The following MRPL13 variants were observed in gnomAD, a reference collection of about 807,000 sequenced individuals.
MRPL13 encodes mitochondrial ribosomal protein L13, also known as large ribosomal subunit protein uL13m.
MRPL13 carries 33 observed loss-of-function variants against 29.0 expected under a neutral mutation model. The ratio of observed to expected loss-of-function variants is 1.14; its 90% CI spans 0.86 to 1.52. MRPL13 has a LOEUF of 1.52. Among genes scored for constraint, MRPL13 ranks in the 40% most tolerant of loss-of-function variants. The pLI is 0.00. For missense variants in MRPL13, 227 were observed against 216.7 expected, an observed-to-expected ratio of 1.05 and a Z score of -0.30; for synonymous variants, 77 against 68.4, an observed-to-expected ratio of 1.13 and a Z score of -0.62.
intron 6 of MRPL13, among the ~76,000 whole-genome samples, chr8:120,413,271 G>A (rs1245461776): frequency 1.3e-5 from 2 of 152,166 alleles, no homozygotes; most frequent in Non-Finnish European, 2.9e-5. Flanking sequence ...TGCTAAATAA[G>A]ACAAACATGT....
intron 2 of MRPL13, among the ~76,000 whole-genome samples, chr8:120,434,259 C>T (rs765556279): frequency 6.6e-6 from 1 of 151,986 alleles, no homozygotes; most frequent in African/African-American, 2.4e-5. Context: ...CTCAAAATTG[C>T]CTGGGAGGAA....
At chr8:120,443,337 A>T in intron 1 of MRPL13, 29 bp from the exon 2 acceptor site, 1 of 1,503,896 alleles carries the variant, frequency 6.6e-7, no homozygotes, top group Middle Eastern at 1.8e-4. Context: ...AAAAAAGAAG[A>T]GGAAAAAATA....
At chr8:120,408,203 C>A (rs1228687527) in intron 6 of MRPL13, among the ~76,000 whole-genome samples, 1 of 152,062 alleles carries the variant, frequency 6.6e-6, no homozygotes, top group South Asian at 2.1e-4. Context: ...AGATCCAGAC[C>A]TACAGATCAA....
intron 2 of MRPL13, 93 bp downstream of exon 2, chr8:120,443,091 AG>A (rs1186702172): frequency 1.4e-5 from 16 of 1,180,394 alleles, no homozygotes; most frequent in Non-Finnish European, 1.7e-5. Flanking sequence ...AAAAATAAAA[AG>A]GGCCCTTAAA....
chr8:120,396,814 G>C (rs1261374524), intron 6 of MRPL13, among the ~76,000 whole-genome samples: 1 of 152,174 alleles, frequency 6.6e-6, no homozygotes, highest in Non-Finnish European at 1.5e-5. Context: ...TAGGTGTTGG[G>C]TTTCCATATG....
At chr8:120,441,588 G>A (rs1478880711) in intron 2 of MRPL13, among the ~76,000 whole-genome samples, 1 of 152,066 alleles carries the variant, frequency 6.6e-6, no homozygotes, top group Admixed American at 6.6e-5. Context: ...AGGTTAATGA[G>A]AAGAAAATAA....
intron 6 of MRPL13, among the ~76,000 whole-genome samples, chr8:120,400,242 CT>C (rs1216135212): frequency 6.6e-6 from 1 of 152,138 alleles, no homozygotes; most frequent in Non-Finnish European, 1.5e-5. Flanking sequence ...TAAAACACTT[CT>C]CAGCAAATGC....
At chr8:120,404,112 G>A (rs4870730) in intron 6 of MRPL13, among the ~76,000 whole-genome samples, 31,506 of 152,028 alleles carry the variant, frequency 0.21, 3,439 homozygotes, top group Middle Eastern at 0.27. Context: ...CTCAATATAC[G>A]CAAAGCAGTT....
chr8:120,408,671 T>C (rs1195089282), intron 6 of MRPL13, among the ~76,000 whole-genome samples: 1 of 152,196 alleles, frequency 6.6e-6, no homozygotes, highest in African/African-American at 2.4e-5. Flanking sequence ...GCTGTCCAGA[T>C]CCCAGCAACT....
intron 6 of MRPL13, among the ~76,000 whole-genome samples, chr8:120,399,747 C>T (rs1208206917): frequency 6.6e-6 from 1 of 152,020 alleles, no homozygotes. Flanking sequence ...TCAAGGGACC[C>T]ATCTCATGAA....
chr8:120,418,580 T>C (rs1005936780), intron 5 of MRPL13, among the ~76,000 whole-genome samples: 1 of 152,094 alleles, frequency 6.6e-6, no homozygotes, highest in African/African-American at 2.4e-5. Flanking sequence ...CTAGGCTCAT[T>C]TATTTTATAG....
At chr8:120,407,772 G>C (rs1031240417) in intron 6 of MRPL13, among the ~76,000 whole-genome samples, 4 of 152,066 alleles carry the variant, frequency 2.6e-5, no homozygotes, top group African/African-American at 9.7e-5. Context: ...GTAAGTCCAG[G>C]AAATTGAGTG....
intron 4 of MRPL13, among the ~76,000 whole-genome samples, chr8:120,420,559 G>A (rs2130468621): frequency 6.6e-6 from 1 of 150,378 alleles, no homozygotes; most frequent in African/African-American, 2.4e-5. Flanking sequence ...CCTTAGTCAT[G>A]AAAGCCACAT....
At chr8:120,404,034 G>A (rs922499559) in intron 6 of MRPL13, among the ~76,000 whole-genome samples, 4 of 152,120 alleles carry the variant, frequency 2.6e-5, no homozygotes, top group African/African-American at 9.7e-5. Flanking sequence ...TCCAAAGTCT[G>A]GGAAATAACA....
At chr8:120,438,584 A>C (rs1813080815) in intron 2 of MRPL13, among the ~76,000 whole-genome samples, 1 of 152,132 alleles carries the variant, frequency 6.6e-6, no homozygotes, top group African/African-American at 2.4e-5. Context: ...CTTTTCCTCA[A>C]ATTTTGTATT....
chr8:120,422,975 G>T (rs549976907), intron 4 of MRPL13, among the ~76,000 whole-genome samples: 59 of 151,918 alleles, frequency 3.9e-4, no homozygotes, highest in African/African-American at 1.2e-3. Flanking sequence ...ACCTACAAAG[G>T]CCACAAATAT....
chr8:120,428,060 G>A (rs750930693), intron 3 of MRPL13, among the ~76,000 whole-genome samples: 2 of 150,026 alleles, frequency 1.3e-5, no homozygotes, highest in South Asian at 2.1e-4. Flanking sequence ...CAAAGCTGGA[G>A]GCATCACGCT....
Position 120,432,012 on chromosome 8 carries a change from A to T in MRPL13, c.245+18T>A. The T allele has an allele frequency of 6.6e-7, 1 of 1,518,720 alleles. No individual in the cohort carries two copies. Among genetic ancestry groups the T allele is most frequent in the South Asian group, 1.3e-5 (1 of 78,514 alleles). The allele number at this position is 1,518,720 out of a possible 1,614,324, so 94.1% of individuals were successfully genotyped here. ...ATATTTTAACTACCTAATTTCCCTG[A>T]CAACAGCATTATCTTACCCAGTATG... On this transcript the variant is annotated intron_variant, in intron 3 of 6. Coordinates refer to ENST00000306185, the MANE Select transcript of MRPL13 (RefSeq NM_014078.6).
chr8:120,432,255 A>T (rs1459293102), intron 2 of MRPL13, 132 bp from the exon 3 acceptor site: 10 of 528,212 alleles, frequency 1.9e-5, no homozygotes, highest in Non-Finnish European at 2.8e-5. Context: ...ACAGTGCAAC[A>T]TCAAAAATCC....
Sources: allele counts gnomAD v4.1 joint callset (sites outside exome capture counted in the v4.1 genomes callset), GRCh38; gene constraint gnomAD v4.1.1; transcripts MANE v1.5; gene names NCBI Gene and HGNC (gene_info 2026-07-23, HGNC 2026-07-21).